The following GIMAP8 variants were observed in gnomAD, a reference collection of about 807,000 sequenced individuals.
The protein encoded by GIMAP8 is GTPase IMAP family member 8.
A neutral mutation model predicts 35.6 loss-of-function variants in GIMAP8; 29 were observed. The ratio of observed to expected loss-of-function variants is 0.81; its 90% CI spans 0.61 to 1.11. The LOEUF (loss-of-function observed/expected upper bound fraction) is 1.11. Ranked by LOEUF, GIMAP8 falls within the 50% of genes most tolerant of loss-of-function variation. GIMAP8 has a pLI of 0.00. For synonymous variants in GIMAP8, 335 were observed against 308.7 expected (o/e 1.09, Z -0.89); for missense variants, 811 against 805.0 (o/e 1.01, Z -0.09).
chr7:150,455,007 G>A (rs575337027), intron 1 of GIMAP8, among the ~76,000 whole-genome samples: 9 of 151,806 alleles, frequency 5.9e-5, no homozygotes, highest in South Asian at 2.1e-4. Context: ...GTGTGGTGGC[G>A]CATGCCTGTA....
At position 150,451,932 on chromosome 7, in the gene GIMAP8, G is replaced by A. The variant is rs117202858; in HGVS notation, c.-29+757G>A. On this transcript the variant is annotated intron_variant, in intron 1 of 4. Coordinates refer to ENST00000307271, the MANE Select transcript of GIMAP8 (RefSeq NM_175571.4). This position sits in a 1 kb window ranked among gnomAD's most constrained non-coding sequence, Gnocchi z 4.1. ...GGGCTGGGTCTAAGGTCTTCCCCACGCTGGGCTCTGGAGGCATCTCCAACC... is the reference window on the plus strand; with the variant it reads ...GGGCTGGGTCTAAGGTCTTCCCCACACTGGGCTCTGGAGGCATCTCCAACC... Among the ~76,000 whole-genome samples the A allele has an allele frequency of 6.6e-5, 10 of 152,252 alleles. No individual in the cohort carries two copies. Among genetic ancestry groups the A allele is most frequent in the Admixed American group, 4.6e-4 (7 of 15,298 alleles).
intron 2 of GIMAP8, among the ~76,000 whole-genome samples, chr7:150,469,444 ATC>A (rs1802041193): frequency 1.3e-5 from 2 of 152,214 alleles, no homozygotes; most frequent in Non-Finnish European, 2.9e-5. Context: ...AAGAAATCAT[ATC>A]TGTTTTGTTG....
chr7:150,457,180 G>C (rs1801747094), intron 1 of GIMAP8, among the ~76,000 whole-genome samples: 1 of 152,248 alleles, frequency 6.6e-6, no homozygotes, highest in African/African-American at 2.4e-5. Context: ...CAAAGGGACA[G>C]GCTCTGGCTT....
intron 4 of GIMAP8, among the ~76,000 whole-genome samples, chr7:150,475,327 T>C (rs1290572060): frequency 6.6e-6 from 1 of 152,222 alleles, no homozygotes; most frequent in Non-Finnish European, 1.5e-5. Context: ...AAAGGAAGGA[T>C]AGGTCTGTTC....
intron 1 of GIMAP8, among the ~76,000 whole-genome samples, chr7:150,462,640 C>T (rs986993576): frequency 1.3e-5 from 2 of 151,880 alleles, no homozygotes; most frequent in Non-Finnish European, 2.9e-5. Context: ...ATTTTTTTTT[C>T]CAGTACTTTG....
At chr7:150,470,771 G>GATGAGGTTTTTGATC in intron 2 of GIMAP8, 58 bp from the exon 3 acceptor site, 1 of 256,828 alleles carries the variant, frequency 3.9e-6, no homozygotes, top group Non-Finnish European at 7.1e-6. Flanking sequence ...TTTTTTTTCA[G>GATGAGGTTTTTGATC]TTTGTGGAAG....
Position 150,478,806 on chromosome 7 carries a change from G to A in GIMAP8, c.*1026G>A, listed in dbSNP as rs530154082. The A allele has an allele frequency of 6.6e-6, 1 of 152,274 alleles. No individual in the cohort carries two copies. Among genetic ancestry groups the A allele is most frequent in the South Asian group, 2.1e-4 (1 of 4,826 alleles). 9.4% of individuals were successfully genotyped at this position (152,274 alleles called of 1,614,324 possible). On this transcript the variant is annotated 3_prime_UTR_variant, in exon 5 of 5. Coordinates refer to ENST00000307271, the MANE Select transcript of GIMAP8 (RefSeq NM_175571.4). ...GCACTGGGATGTGGCTTCTACACTC[G>A]AATTTGCTTCTTGGTTTCAAGACAG...
chr7:150,454,543 G>A (rs1801687768), intron 1 of GIMAP8, among the ~76,000 whole-genome samples: 1 of 152,164 alleles, frequency 6.6e-6, no homozygotes, highest in African/African-American at 2.4e-5. Context: ...AGGCAAGGGT[G>A]TGCTGGACCA....
intron 1 of GIMAP8, among the ~76,000 whole-genome samples, chr7:150,461,890 A>G (rs1022968499): frequency 6.6e-6 from 1 of 152,214 alleles, no homozygotes; most frequent in African/African-American, 2.4e-5. Context: ...AGAGTCCACC[A>G]ACAGGCTTTG....
At position 150,477,616 on chromosome 7, in the gene GIMAP8, AC is replaced by A; in HGVS notation, c.1837del (p.Gln613ArgfsTer2). On this transcript the variant is annotated frameshift_variant, in exon 5 of 5. Coordinates refer to ENST00000307271, the MANE Select transcript of GIMAP8 (RefSeq NM_175571.4). LOFTEE classifies it low-confidence loss of function (END_TRUNC). ...NNKETGQAQE[T>X]QVKALLTKVN... ...CAAAGAAACAGGCCAGGCCCAGGAA[AC>A]CCAGGTGAAAGCTCTTTTAACAAAG... The A allele has an allele frequency of 6.2e-7, 1 of 1,614,182 alleles. No homozygotes were observed. Among genetic ancestry groups the A allele is most frequent in the Non-Finnish European group, 8.5e-7 (1 of 1,180,034 alleles).
chr7:150,473,488 A>G (rs1330285336), intron 3 of GIMAP8, among the ~76,000 whole-genome samples: 1 of 149,334 alleles, frequency 6.7e-6, no homozygotes, highest in Non-Finnish European at 1.5e-5. Context: ...CTTCAACTTC[A>G]TATGGTAGAA....
chr7:150,473,951 C>T, intron 3 of GIMAP8, 61 bp from the exon 4 acceptor site: 2 of 1,524,392 alleles, frequency 1.3e-6, no homozygotes, highest in Non-Finnish European at 1.8e-6. Context: ...AATCATAAAA[C>T]CTGCCCACAT....
At position 150,477,359 on chromosome 7, in the gene GIMAP8, C is replaced by T. The variant is rs1802257397; in HGVS notation, c.1577C>T (p.Thr526Ile). The change falls in exon 5 of 5, where the codon ACA becomes ATA. Residue 526 changes from threonine to isoleucine, a missense_variant. By Grantham distance (89) the Thr-to-Ile change is moderately conservative. Transcript: ENST00000307271. ...TTGTCCTGCTGTGAAAAAGGGGACA[C>T]ATTTTTTGTCCTGGTGTTCCAGCTG... The part of the protein sequence containing the change: ...RCLSCCEKGD[T>I]FFVLVFQLGR... 2.5e-6 allele frequency: 4 copies of T among 1,614,074 alleles called. No individual in the cohort carries two copies. Among genetic ancestry groups the T allele is most frequent in the South Asian group, 2.2e-5 (2 of 91,092 alleles).
intron 1 of GIMAP8, among the ~76,000 whole-genome samples, chr7:150,461,762 T>C (rs1222669598): frequency 6.6e-6 from 1 of 152,230 alleles, no homozygotes; most frequent in Non-Finnish European, 1.5e-5. Context: ...TTGCTTTAAA[T>C]TGGTGAATTT....
At chr7:150,460,608 G>A (rs565956899) in intron 1 of GIMAP8, among the ~76,000 whole-genome samples, 22 of 152,280 alleles carry the variant, frequency 1.4e-4, no homozygotes, top group Non-Finnish European at 2.2e-4. Flanking sequence ...GTCCACTTTG[G>A]GTAGTGCCTG....
Position 150,474,548 on chromosome 7 carries a change from G to A in GIMAP8, c.1219G>A (p.Glu407Lys). The change falls in exon 4 of 5, where the codon GAA (glutamate) becomes AAA (lysine). Residue 407 changes from glutamate (E) to lysine (K), a missense_variant. Coordinates refer to ENST00000307271, the MANE Select transcript of GIMAP8 (RefSeq NM_175571.4). Reference sequence around the variant, plus strand: ...CTTCAACTACCGGGCAACAGGAGAAGAAGAGCAAAGGCAGGCGGACGAGCT... The same window carrying A: ...CTTCAACTACCGGGCAACAGGAGAAAAAGAGCAAAGGCAGGCGGACGAGCT... ...SAFNYRATGE[E>K]EQRQADELLE... The A allele has an allele frequency of 6.2e-7, 1 of 1,611,168 alleles. No homozygotes were observed. The highest frequency in any genetic ancestry group is 1.7e-5 in the Admixed American group (1 of 59,986).
chr7:150,460,829 A>G (rs1349188603), intron 1 of GIMAP8, among the ~76,000 whole-genome samples: 1 of 152,210 alleles, frequency 6.6e-6, no homozygotes, highest in Non-Finnish European at 1.5e-5. Context: ...TACCACTTCC[A>G]TTGGATGATG....
intron 2 of GIMAP8, 69 bp from the exon 3 acceptor site, chr7:150,470,760 T>C: frequency 4.2e-6 from 3 of 712,494 alleles, no homozygotes; most frequent in Non-Finnish European, 6.6e-6. Context: ...TTTTTTTTTT[T>C]TTTTTTTTCA....
In GIMAP8 at chr7:150,478,599, TTC is replaced by T. The variant is rs1325195115; in HGVS notation, c.*823_*824del. The T allele has an allele frequency of 6.6e-6, 1 of 152,338 alleles. No individual in the cohort carries two copies. 9.4% of individuals were successfully genotyped at this position (152,338 alleles called of 1,614,324 possible). Reference sequence around the variant, plus strand: ...AAGGTTATTAGAATCTCCATTGCGTTTCTCTTTCTCCTTCTCTTTCCCTTGAG... The same window carrying T: ...AAGGTTATTAGAATCTCCATTGCGTTTCTTTCTCCTTCTCTTTCCCTTGAG... On this transcript the variant is annotated 3_prime_UTR_variant, in exon 5 of 5. Coordinates refer to ENST00000307271, the MANE Select transcript of GIMAP8 (RefSeq NM_175571.4).
Sources: gnomAD v4.1 joint callset for allele counts (sites outside exome capture counted in the v4.1 genomes callset) on GRCh38, gnomAD v4.1.1 for gene constraint, Gnocchi (gnomAD v3.1) non-coding constraint, MANE v1.5 for transcripts, NCBI Gene and HGNC (gene_info 2026-07-23, HGNC 2026-07-21) for gene names.